PIK3R3: variants seen among roughly 807,000 people sequenced by gnomAD.
The protein encoded by PIK3R3 is phosphoinositide-3-kinase regulatory subunit 3.
PIK3R3 carries 64 observed loss-of-function variants against 62.9 expected under a neutral mutation model. The ratio of observed to expected loss-of-function variants is 1.02; its 90% CI spans 0.83 to 1.25. The LOEUF (loss-of-function observed/expected upper bound fraction) is 1.25. Ranked by LOEUF, PIK3R3 falls within the 50% of genes most tolerant of loss-of-function variation. The pLI is 0.00. For missense variants in PIK3R3, 614 were observed against 561.6 expected (o/e 1.09, Z -0.94); for synonymous variants, 165 against 189.0 (o/e 0.87, Z 1.04).
chr1:46,113,876 G>A lies in PIK3R3; in HGVS notation c.106+17971C>T, dbSNP rs562211970. Among the ~76,000 whole-genome samples the A allele has an allele frequency of 3.3e-5, 5 of 152,200 alleles. No homozygotes were observed. In the South Asian group the frequency reaches 6.2e-4, roughly 19 times the overall value. On this transcript the variant is annotated intron_variant, in intron 1 of 9. Transcript: ENST00000262741. ...TTAATGAGGACTAAAGACACTAAAC[G>A]ATAATAAGTATGGTTAAGGATTATA...
intron 1 of PIK3R3, among the ~76,000 whole-genome samples, chr1:46,103,845 C>T (rs948133216): frequency 6.6e-6 from 1 of 152,008 alleles, no homozygotes; most frequent in African/African-American, 2.4e-5. Flanking sequence ...CCACCTGCCT[C>T]GGCCTCCCAA....
intron 1 of PIK3R3, among the ~76,000 whole-genome samples, chr1:46,092,254 C>A (rs893038435): frequency 6.6e-6 from 1 of 152,186 alleles, no homozygotes; most frequent in Non-Finnish European, 1.5e-5. Context: ...CAGAATGAGA[C>A]CTGGGCAACT....
At chr1:46,096,098 T>C (rs946967757) in intron 1 of PIK3R3, among the ~76,000 whole-genome samples, 9 of 152,218 alleles carry the variant, frequency 5.9e-5, no homozygotes, top group Admixed American at 2.6e-4. Flanking sequence ...GGATTAATTA[T>C]ATGTTCTAGG....
At position 46,067,096 on chromosome 1, in the gene PIK3R3, GAAC is replaced by G. The variant is rs1236661469; in HGVS notation, c.315-8_315-6del. The G allele has an allele frequency of 5.8e-6, 9 of 1,541,098 alleles. No individual in the cohort carries two copies. The East Asian group carries it at 7.2e-5, about 12-fold the overall frequency. On this transcript the variant is annotated splice_region_variant and splice_polypyrimidine_tract_variant and intron_variant, in intron 3 of 9. Coordinates refer to ENST00000262741, the MANE Select transcript of PIK3R3 (RefSeq NM_003629.4). ...AACTTATTATTGCCTCCCTTCCTGTGAACAACAAGACAACAACTGTGGATTTTT... is the reference window on the plus strand; with the variant it reads ...AACTTATTATTGCCTCCCTTCCTGTGAACAAGACAACAACTGTGGATTTTT...
At chr1:46,043,996 T>G in intron 9 of PIK3R3, 125 bp from the exon 10 acceptor site, 1 of 812,448 alleles carries the variant, frequency 1.2e-6, no homozygotes, top group Non-Finnish European at 1.9e-6. Flanking sequence ...AGGCAAAGCT[T>G]GTGAAATTGC....
chr1:46,173,076 T>C, the PIK3R3 span, among the ~76,000 whole-genome samples: 4 of 151,764 alleles, frequency 2.6e-5, no homozygotes, highest in Non-Finnish European at 5.9e-5. Flanking sequence ...AGTTGGATGG[T>C]GTGTTAGTGC....
At chr1:46,170,975 C>T in the PIK3R3 span, among the ~76,000 whole-genome samples, 1 of 152,192 alleles carries the variant, frequency 6.6e-6, no homozygotes, top group Non-Finnish European at 1.5e-5. Flanking sequence ...TTCTGTGATG[C>T]TAAGATTCCA....
At chr1:46,161,844 G>A in the PIK3R3 span, among the ~76,000 whole-genome samples, 1 of 152,230 alleles carries the variant, frequency 6.6e-6, no homozygotes, top group Non-Finnish European at 1.5e-5. Flanking sequence ...TGTAATCCCA[G>A]CATTTTGGGA....
At chr1:46,077,223 C>T (rs1317300415) in intron 3 of PIK3R3, among the ~76,000 whole-genome samples, 1 of 152,172 alleles carries the variant, frequency 6.6e-6, no homozygotes, top group East Asian at 1.9e-4. Context: ...AGAATATGCC[C>T]ATGACTTCTA....
chr1:46,055,514 G>A (rs948033745), intron 7 of PIK3R3, among the ~76,000 whole-genome samples: 1 of 152,190 alleles, frequency 6.6e-6, no homozygotes, highest in Non-Finnish European at 1.5e-5. Context: ...ATCTGTTCTT[G>A]TTAAGATATA....
Position 46,080,646 on chromosome 1 carries a change from A to C in PIK3R3, c.211T>G (p.Ser71Ala). 1 of 1,588,334 alleles carries C rather than the reference A, an allele frequency of 6.3e-7. No homozygotes were observed. The highest frequency in any genetic ancestry group is 8.6e-7 in the Non-Finnish European group (1 of 1,158,794). Residue 71 changes from serine to alanine, a missense_variant, in exon 2 of 10, where the codon TCA becomes GCA. Coordinates refer to ENST00000262741, the MANE Select transcript of PIK3R3 (RefSeq NM_003629.4). Reference protein sequence around the residue: ...QDAEWYWGDISREEVNDKLRD... With the variant: ...QDAEWYWGDIAREEVNDKLRD... ...TTACAGTAGCATTCTAGTTACCTTG[A>C]AATATCCCCCCAGTACCATTCTGCA...
intron 7 of PIK3R3, among the ~76,000 whole-genome samples, chr1:46,047,733 T>C (rs907656030): frequency 1.3e-5 from 2 of 152,172 alleles, no homozygotes; most frequent in African/African-American, 2.4e-5. Context: ...ATCATCTTCA[T>C]AGCACTTAGC....
intron 3 of PIK3R3, among the ~76,000 whole-genome samples, chr1:46,068,871 A>C (rs785512): frequency 9.7e-4 from 147 of 152,142 alleles, no homozygotes; most frequent in African/African-American, 3.2e-3. Flanking sequence ...AGGCACAAAA[A>C]GGTTTTCAGT....
At chr1:46,130,292 T>C (rs1169751176) in intron 1 of PIK3R3, among the ~76,000 whole-genome samples, 2 of 152,208 alleles carry the variant, frequency 1.3e-5, no homozygotes, top group African/African-American at 4.8e-5. Flanking sequence ...GTACCAGTGA[T>C]GTACTAAATT....
At chr1:46,103,846 G>T (rs974497266) in intron 1 of PIK3R3, among the ~76,000 whole-genome samples, 1 of 151,198 alleles carries the variant, frequency 6.6e-6, no homozygotes, top group African/African-American at 2.4e-5. Flanking sequence ...CACCTGCCTC[G>T]GCCTCCCAAA....
chr1:46,071,730 T>TATATATATAGAGAGAGAGAGAGAGAG (rs1163343399), intron 3 of PIK3R3, among the ~76,000 whole-genome samples: 1 of 59,042 alleles, frequency 1.7e-5, no homozygotes, highest in Non-Finnish European at 3.0e-5. Flanking sequence ...TATATATATA[T>TATATATATAGAGAGAGAGAGAGAGAG]AGAGAGAGAG....
At chr1:46,045,015 CTT>C (rs1057045310) in intron 9 of PIK3R3, among the ~76,000 whole-genome samples, 3 of 152,220 alleles carry the variant, frequency 2.0e-5, no homozygotes, top group Non-Finnish European at 4.4e-5. Context: ...CATTTTGTCA[CTT>C]TGTTTGACTT....
At chr1:46,147,085 A>C in the PIK3R3 span, among the ~76,000 whole-genome samples, 5 of 152,268 alleles carry the variant, frequency 3.3e-5, no homozygotes, top group African/African-American at 1.2e-4. Context: ...CTACTTTTGC[A>C]GCAGGAACTC....
chr1:46,055,778 A>G lies in PIK3R3; in HGVS notation c.941+17T>C, dbSNP rs747152099. 1.4e-5 allele frequency: 22 copies of G among 1,538,746 alleles called. No homozygotes were observed. Among genetic ancestry groups the G allele is most frequent in the Non-Finnish European group, 1.9e-5 (22 of 1,142,592 alleles). ...GGCACTAACGTCTCCCTCCCCATAC[A>G]CTCCCAGACTACTTACACAAGGTGT... is the stretch of plus-strand genomic sequence containing the variant. On this transcript the variant is annotated intron_variant, in intron 7 of 9. Transcript: ENST00000262741.
Sources: gnomAD v4.1 joint callset for allele counts (sites outside exome capture counted in the v4.1 genomes callset) on GRCh38, gnomAD v4.1.1 for gene constraint, MANE v1.5 for transcripts, NCBI Gene and HGNC (gene_info 2026-07-23, HGNC 2026-07-21) for gene names.